The following ZBTB20 variants were observed in gnomAD, a reference collection of about 807,000 sequenced individuals.
ZBTB20 encodes the protein zinc finger and BTB domain containing 20.
Under a neutral mutation model 56.9 loss-of-function variants are expected in ZBTB20, and 9 were observed. The observed-to-expected ratio is 0.16, with a 90% confidence interval of 0.10 to 0.28. The LOEUF is 0.28. Ranked by LOEUF, ZBTB20 falls within the 10% of genes least tolerant of loss-of-function variation. The pLI is 1.00. For synonymous variants in ZBTB20, 417 were observed against 420.7 expected (o/e 0.99, Z 0.11); for missense variants, 655 against 1,003.0 (o/e 0.65, Z 4.69).
intron 6 of ZBTB20, among the ~76,000 whole-genome samples, chr3:114,625,584 A>T (rs1486497228): frequency 6.6e-6 from 1 of 152,136 alleles, no homozygotes; most frequent in African/African-American, 2.4e-5. Context: ...ATGGTTAAAG[A>T]GGAGTACTCT....
chr3:114,376,110 T>C (rs924677375), intron 10 of ZBTB20, among the ~76,000 whole-genome samples: 14 of 152,374 alleles, frequency 9.2e-5, no homozygotes, highest in Non-Finnish European at 7.3e-5. Context: ...ACAGCAACTT[T>C]AATTCTGTCC....
intron 5 of ZBTB20, among the ~76,000 whole-genome samples, chr3:114,702,499 A>G (rs1464063124): frequency 6.6e-6 from 1 of 151,954 alleles, no homozygotes; most frequent in Non-Finnish European, 1.5e-5. Flanking sequence ...AATTTCTGGT[A>G]ATTATTATAA....
At position 114,476,742 on chromosome 3, in the gene ZBTB20, G is replaced by T. The variant is rs150108628; in HGVS notation, c.-255+23610C>A. ...TTAGGCCCCACCTTCCAACACTGTT[G>T]CATCAGAGATTAAGTGTCCAACACA... On this transcript the variant is annotated intron_variant, in intron 7 of 11. Transcript: ENST00000675478. Among the ~76,000 whole-genome samples, 868 of 152,298 alleles carry T rather than the reference G, an allele frequency of 5.7e-3. 6 individuals carry two copies. The highest frequency in any genetic ancestry group is 0.011 in the South Asian group (51 of 4,820).
chr3:114,910,467 T>G (rs993929739), intron 3 of ZBTB20, among the ~76,000 whole-genome samples: 7 of 151,684 alleles, frequency 4.6e-5, no homozygotes, highest in Non-Finnish European at 8.8e-5. Context: ...AACACTGATA[T>G]CAAACCCAGA....
At chr3:115,134,560 T>C (rs1211266471) in intron 1 of ZBTB20, among the ~76,000 whole-genome samples, 1 of 152,222 alleles carries the variant, frequency 6.6e-6, no homozygotes, top group Non-Finnish European at 1.5e-5. Flanking sequence ...TTTCATTCAC[T>C]AATTCATATT....
At position 114,315,792 on chromosome 3, in the gene ZBTB20, C is replaced by T. The variant is rs1304106891; in HGVS notation, c.*23213G>A. 6.6e-6 allele frequency: 1 copy of T among 152,284 alleles called. No individual in the cohort carries two copies. The highest frequency in any genetic ancestry group is 1.9e-4 in the East Asian group (1 of 5,206). 9.4% of individuals were successfully genotyped at this position (152,284 alleles called of 1,614,324 possible). On this transcript the variant is annotated 3_prime_UTR_variant, in exon 12 of 12. Coordinates refer to ENST00000675478, the MANE Select transcript of ZBTB20 (RefSeq NM_001348800.3). Reference sequence around the variant, plus strand: ...GTAAACTTCATTGAGAACATACATGCCCAGATATCTCTTCTGTGCACATGT... The same window carrying T: ...GTAAACTTCATTGAGAACATACATGTCCAGATATCTCTTCTGTGCACATGT...
intron 5 of ZBTB20, among the ~76,000 whole-genome samples, chr3:114,763,257 A>G (rs943777485): frequency 3.3e-5 from 5 of 152,168 alleles, no homozygotes; most frequent in African/African-American, 1.2e-4. Context: ...CTCAGTGGAA[A>G]TCTTCGACCT....
intron 6 of ZBTB20, among the ~76,000 whole-genome samples, chr3:114,693,158 G>A (rs2062799925): frequency 6.6e-6 from 1 of 152,076 alleles, no homozygotes; most frequent in Admixed American, 6.6e-5. Flanking sequence ...CACTCTTTCT[G>A]TCCACTCAGG....
chr3:114,377,966 A>T (rs184005815), intron 10 of ZBTB20, among the ~76,000 whole-genome samples: 1 of 152,238 alleles, frequency 6.6e-6, no homozygotes, highest in South Asian at 2.1e-4. Context: ...TTCTGAAGTT[A>T]AAGAGACTAA....
intron 7 of ZBTB20, among the ~76,000 whole-genome samples, chr3:114,464,103 G>C (rs1035169004): frequency 6.6e-6 from 1 of 152,106 alleles, no homozygotes; most frequent in African/African-American, 2.4e-5. Context: ...ATTTCCCGCT[G>C]CCTTCAGTAC....
chr3:114,904,107 A>G (rs573311679), intron 3 of ZBTB20, among the ~76,000 whole-genome samples: 86 of 152,012 alleles, frequency 5.7e-4, no homozygotes, highest in African/African-American at 2.1e-3. Flanking sequence ...AGATGCAGAT[A>G]TACTATAGAG....
chr3:114,777,275 T>C (rs988332441), intron 5 of ZBTB20, among the ~76,000 whole-genome samples: 4 of 152,132 alleles, frequency 2.6e-5, no homozygotes, highest in African/African-American at 7.2e-5. Flanking sequence ...TCCCAGCACT[T>C]TGGGAGGCCG....
chr3:114,472,564 C>T (rs979042368), intron 7 of ZBTB20, among the ~76,000 whole-genome samples: 5 of 152,066 alleles, frequency 3.3e-5, no homozygotes, highest in Non-Finnish European at 5.9e-5. Context: ...AAAACTTAGC[C>T]GGGCGTGGTG....
chr3:114,977,290 T>C (rs2078142183), intron 2 of ZBTB20, among the ~76,000 whole-genome samples: 1 of 152,220 alleles, frequency 6.6e-6, no homozygotes. Flanking sequence ...TGAAATGAAC[T>C]AAAATGATGT....
chr3:114,893,863 T>G (rs2074743233), intron 4 of ZBTB20, among the ~76,000 whole-genome samples: 1 of 152,208 alleles, frequency 6.6e-6, no homozygotes, highest in South Asian at 2.1e-4. Context: ...TATGTTCAGA[T>G]TCCATCCTGT....
chr3:114,879,565 G>A (rs1442582691), intron 4 of ZBTB20, among the ~76,000 whole-genome samples: 1 of 152,098 alleles, frequency 6.6e-6, no homozygotes, highest in African/African-American at 2.4e-5. Flanking sequence ...CTTGCTCCAT[G>A]AGGAAATGAG....
chr3:114,833,136 A>C (rs1361979540), intron 4 of ZBTB20, among the ~76,000 whole-genome samples: 2 of 152,192 alleles, frequency 1.3e-5, no homozygotes, highest in Admixed American at 1.3e-4. Flanking sequence ...AGGATTCTAA[A>C]ATAACATATC....
At chr3:114,447,692 G>A (rs569322432) in intron 7 of ZBTB20, among the ~76,000 whole-genome samples, 37 of 152,262 alleles carry the variant, frequency 2.4e-4, no homozygotes, top group Admixed American at 8.5e-4. Context: ...AGAGTGGGAC[G>A]TTAATTTAAA....
intron 7 of ZBTB20, among the ~76,000 whole-genome samples, chr3:114,486,139 G>GGGT (rs1259125067): frequency 2.9e-5 from 1 of 34,334 alleles, no homozygotes; most frequent in Non-Finnish European, 6.6e-5. Context: ...TGTGTGTGTG[G>GGGT]GGGGGGGGGG....
Sources: allele counts gnomAD v4.1 joint callset (sites outside exome capture counted in the v4.1 genomes callset), GRCh38; gene constraint gnomAD v4.1.1; transcripts MANE v1.5; gene names NCBI Gene and HGNC (gene_info 2026-07-23, HGNC 2026-07-21).